Variants in TEX38 observed in about 807,000 individuals in gnomAD.
TEX38 encodes the protein testis expressed 38.
TEX38 carries 5 observed loss-of-function variants against 2.7 expected under a neutral mutation model. The ratio of observed to expected loss-of-function variants is 1.86; its 90% CI spans 0.97 to 3.90. The LOEUF (loss-of-function observed/expected upper bound fraction) is 3.90, where lower values mean the gene tolerates loss of function less well. Among genes scored for constraint, TEX38 ranks in the 30% most tolerant of loss-of-function variants. The probability of loss-of-function intolerance (pLI) is 0.00; values close to 1 mark genes in which losing one functional copy is unlikely to be tolerated. For synonymous variants in TEX38, 110 were observed against 103.3 expected, an observed-to-expected ratio of 1.06 and a Z score of -0.39; for missense variants, 218 against 247.9, an observed-to-expected ratio of 0.88 and a Z score of 0.81.
chr1:46,673,374 G>GGAAT lies in TEX38; in HGVS notation c.541_544dup (p.Val182GlufsTer16). ...TATCCTTTGGCCACCTGTCCTGAAA[G>GGAAT]GAATGTTCTCTTCCATTCCCTCCTG... On this transcript the variant is annotated frameshift_variant, in exon 2 of 2. Coordinates refer to ENST00000334122, the MANE Select transcript of TEX38 (RefSeq NM_001145474.4). LOFTEE classifies it high-confidence loss of function. 1.3e-6 allele frequency: 2 copies of GGAAT among 1,551,912 alleles called. No homozygotes were observed. Among genetic ancestry groups the GGAAT allele is most frequent in the Non-Finnish European group, 1.7e-6 (2 of 1,147,046 alleles).
intron 1 of TEX38, 63 bp from the exon 2 acceptor site, chr1:46,672,810 C>G (rs1676608842): frequency 1.4e-6 from 2 of 1,411,124 alleles, no homozygotes; most frequent in East Asian, 5.0e-5. Context: ...GAATGAGAAA[C>G]AGCTCAGGCC....
upstream of TEX38, among the ~76,000 whole-genome samples, chr1:46,670,989 G>C (rs1275461836): frequency 6.6e-6 from 1 of 152,162 alleles, no homozygotes; most frequent in East Asian, 1.9e-4. Context: ...GTTGCTGTGT[G>C]GGGAAAAATC....
chr1:46,671,685 A>G (rs1468749307), upstream of TEX38: 1 of 531,602 alleles, frequency 1.9e-6, no homozygotes, highest in African/African-American at 1.9e-5. Flanking sequence ...TGATGGAAGT[A>G]GTAGTGACAT....
upstream of TEX38, chr1:46,669,539 T>A: frequency 2.2e-6 from 1 of 456,030 alleles, no homozygotes; most frequent in South Asian, 1.5e-5. Context: ...CTTTATCCCA[T>A]CACTCTATTG....
Position 46,673,430 on chromosome 1 carries a change from G to A in TEX38, c.595G>A (p.Ala199Thr). The A allele has an allele frequency of 7.1e-6, 11 of 1,551,416 alleles. No individual in the cohort carries two copies. Among genetic ancestry groups the A allele is most frequent in the South Asian group, 1.2e-5 (1 of 84,012 alleles). The change falls in exon 2 of 2, where the codon GCC (alanine) becomes ACC (threonine). Residue 199 changes from alanine to threonine, a missense_variant. Transcript: ENST00000334122. ...GGCCCAGGAAGACCATAGCTTCAAT[G>A]CCAAGCCTTTTCCTTCAGAACTGTA... The part of the protein sequence containing the change: ...NLAQEDHSFN[A>T]KPFPSEL
chr1:46,670,535 C>T (rs1676568192), upstream of TEX38, among the ~76,000 whole-genome samples: 1 of 152,144 alleles, frequency 6.6e-6, no homozygotes, highest in Admixed American at 6.6e-5. Context: ...TGGAGAGATA[C>T]AGTTGCGTAC....
upstream of TEX38, among the ~76,000 whole-genome samples, chr1:46,670,985 G>A (rs138607711): frequency 8.5e-5 from 13 of 152,306 alleles, no homozygotes; most frequent in Non-Finnish European, 1.3e-4. Context: ...ATTAGTTGCT[G>A]TGTGGGGAAA....
At chr1:46,670,342 C>A (rs1380279152), upstream of TEX38, among the ~76,000 whole-genome samples, 3 of 152,116 alleles carry the variant, frequency 2.0e-5, no homozygotes, top group Non-Finnish European at 4.4e-5. Context: ...GCCTGAACAA[C>A]CCGAAGGACA....
upstream of TEX38, among the ~76,000 whole-genome samples, chr1:46,671,304 G>C (rs1394375677): frequency 6.6e-6 from 1 of 152,188 alleles, no homozygotes; most frequent in Admixed American, 6.5e-5. Flanking sequence ...AAGTAAGGCT[G>C]GAAGTAGATG....
At chr1:46,671,066 C>CA (rs1491335554), upstream of TEX38, among the ~76,000 whole-genome samples, 1 of 152,080 alleles carries the variant, frequency 6.6e-6, no homozygotes, top group Non-Finnish European at 1.5e-5. Flanking sequence ...AGACAACTCT[C>CA]AAAGTTTCTT....
chr1:46,671,639 G>C (rs956614891), upstream of TEX38: 23 of 409,374 alleles, frequency 5.6e-5, no homozygotes, highest in Admixed American at 7.2e-4. Flanking sequence ...CACCATAAGG[G>C]GTAGGTACAG....
In TEX38 at chr1:46,673,180, CCA is replaced by C; in HGVS notation, c.346_347del (p.Gln116ArgfsTer63). 1 of 1,551,448 alleles carries C rather than the reference CCA, an allele frequency of 6.4e-7. No individual in the cohort carries two copies. Among genetic ancestry groups the C allele is most frequent in the Non-Finnish European group, 8.7e-7 (1 of 1,146,844 alleles). Reference protein sequence around the residue: ...DIPEGRSHADQDSNPKAEAPA... With the variant: ...DIPEGRSHADXDSNPKAEAPA... Reference sequence around the variant, plus strand: ...TCCCCGAAGGCAGGAGCCATGCTGACCAAGACAGCAACCCCAAGGCGGAAGCC... The same window carrying C: ...TCCCCGAAGGCAGGAGCCATGCTGACAGACAGCAACCCCAAGGCGGAAGCC... On this transcript the variant is annotated frameshift_variant, in exon 2 of 2. Coordinates refer to ENST00000334122, the MANE Select transcript of TEX38 (RefSeq NM_001145474.4). LOFTEE classifies it low-confidence loss of function (END_TRUNC).
At chr1:46,669,315 A>T (rs1237665555), upstream of TEX38, 1 of 428,204 alleles carries the variant, frequency 2.3e-6, no homozygotes, top group Non-Finnish European at 4.7e-6. Context: ...ATGCTCATGG[A>T]GATCAGCCCT....
upstream of TEX38, chr1:46,671,700 C>T: frequency 1.8e-6 from 1 of 545,918 alleles, no homozygotes; most frequent in Non-Finnish European, 3.3e-6. Context: ...TGACATTCCA[C>T]CCAAAAAATG....
chr1:46,669,578 T>C (rs1197468209), upstream of TEX38: 1 of 444,218 alleles, frequency 2.3e-6, no homozygotes, highest in Admixed American at 2.4e-5. Context: ...TATCATTATC[T>C]GAAGTTCTTA....
rs1676631082 is a variant in TEX38 at position 46,673,421 on chromosome 1, A to G, written c.586A>G (p.Ser196Gly). The stretch of plus-strand genomic sequence containing the variant: ...CCTGAATCTGGCCCAGGAAGACCAT[A>G]GCTTCAATGCCAAGCCTTTTCCTTC... ...SLLNLAQEDH[S>G]FNAKPFPSEL The change falls in exon 2 of 2, where the codon AGC (serine) becomes GGC (glycine). Residue 196 changes from serine (S) to glycine (G), a missense_variant. Transcript: ENST00000334122. The G allele has an allele frequency of 1.9e-6, 3 of 1,551,748 alleles. No individual in the cohort carries two copies. The highest frequency in any genetic ancestry group is 2.4e-5 in the South Asian group (2 of 84,054).
At chr1:46,672,741 A>T (rs1024604756) in intron 1 of TEX38, 132 bp from the exon 2 acceptor site, 22 of 792,054 alleles carry the variant, frequency 2.8e-5, no homozygotes, top group Non-Finnish European at 4.3e-5. Flanking sequence ...AAGGGAGGGA[A>T]GGAACGGTGA....
At chr1:46,672,015 G>T in intron 1 of TEX38, 44 bp downstream of exon 1, 1 of 1,485,286 alleles carries the variant, frequency 6.7e-7, no homozygotes, top group Non-Finnish European at 9.0e-7. Context: ...GTGCCTTAGG[G>T]CTTGGGGACA....
chr1:46,671,085 CGAT>C (rs887878994), upstream of TEX38, among the ~76,000 whole-genome samples: 78 of 152,110 alleles, frequency 5.1e-4, no homozygotes, highest in African/African-American at 1.8e-3. Context: ...TTCAAATTGG[CGAT>C]GATATGATTC....
Sources: allele counts gnomAD v4.1 joint callset (sites outside exome capture counted in the v4.1 genomes callset), GRCh38; gene constraint gnomAD v4.1.1; transcripts MANE v1.5; gene names NCBI Gene and HGNC (gene_info 2026-07-23, HGNC 2026-07-21).